The following USP34 variants were observed in gnomAD, a reference collection of about 807,000 sequenced individuals.
USP34 encodes ubiquitin specific peptidase 34.
Under a neutral mutation model 460.3 loss-of-function variants are expected in USP34, and 70 were observed. The ratio of observed to expected loss-of-function variants is 0.15; its 90% CI spans 0.13 to 0.19. The LOEUF is 0.19. USP34 is among the 10% of genes least tolerant of loss of function. The pLI, the probability that USP34 is intolerant of heterozygous loss-of-function variation, is 1.00. For synonymous variants in USP34, 1,647 were observed against 1,405.3 expected (o/e 1.17, Z -3.85); for missense variants, 3,985 against 4,236.2 (o/e 0.94, Z 1.65).
At chr2:61,360,418 C>T (rs1001404297) in intron 10 of USP34, among the ~76,000 whole-genome samples, 1 of 151,950 alleles carries the variant, frequency 6.6e-6, no homozygotes, top group African/African-American at 2.4e-5. Context: ...TCTGAAAACG[C>T]AATTAAGAAA....
At chr2:61,281,042 A>T (rs2103956529) in intron 38 of USP34, 48 bp downstream of exon 38, 1 of 1,578,662 alleles carries the variant, frequency 6.3e-7, no homozygotes. Flanking sequence ...ACTGAGGCAA[A>T]GGAAATTTCA....
Position 61,301,080 on chromosome 2 carries a change from G to C in USP34, c.3999C>G (p.Pro1333=). The C allele has an allele frequency of 6.2e-7, 1 of 1,614,052 alleles. No homozygotes were observed. Residue 1333 remains proline, a synonymous_variant, in exon 29 of 80, where the codon CCC becomes CCG. Coordinates refer to ENST00000398571, the MANE Select transcript of USP34 (RefSeq NM_014709.4). ...GVQLPASCLP[P]PQKDNIPMLL... is the part of the protein sequence containing the mutation. Reference sequence around the variant, plus strand: ...GCATTGGAATGTTGTCCTTCTGAGGGGGTGGGAGGCAAGATGCTGGCAGCT... The same window carrying C: ...GCATTGGAATGTTGTCCTTCTGAGGCGGTGGGAGGCAAGATGCTGGCAGCT...
chr2:61,226,226 A>C lies in USP34; in HGVS notation c.7595+841T>G, dbSNP rs369843387. On this transcript the variant is annotated intron_variant, in intron 62 of 79. Transcript: ENST00000398571. Reference sequence around the variant, plus strand: ...AAAAGTACATTTGTTTACAATATGGAAACTGAAACAAAAAGGCAAATTGTT... The same window carrying C: ...AAAAGTACATTTGTTTACAATATGGCAACTGAAACAAAAAGGCAAATTGTT... Among the ~76,000 whole-genome samples, 11 of 152,364 alleles carry C rather than the reference A, an allele frequency of 7.2e-5. No individual in the cohort carries two copies. In the East Asian group the frequency reaches 2.1e-3, roughly 29 times the overall value.
At chr2:61,458,645 A>C (rs1407148562) in intron 1 of USP34, among the ~76,000 whole-genome samples, 2 of 150,480 alleles carry the variant, frequency 1.3e-5, no homozygotes, top group African/African-American at 4.9e-5. Flanking sequence ...AAAAAGGCAA[A>C]GAGAACAAGG....
intron 2 of USP34, among the ~76,000 whole-genome samples, chr2:61,406,702 T>A (rs1456143872): frequency 1.4e-5 from 2 of 144,272 alleles, no homozygotes; most frequent in South Asian, 2.2e-4. Flanking sequence ...TATGTGTATT[T>A]AAAAAAAAAA....
At chr2:61,286,290 C>G (rs772732264) in intron 34 of USP34, among the ~76,000 whole-genome samples, 1 of 152,072 alleles carries the variant, frequency 6.6e-6, no homozygotes, top group Admixed American at 6.5e-5. Flanking sequence ...GATATACATA[C>G]TAAGCTGGAA....
chr2:61,458,686 G>A (rs373103016), intron 1 of USP34, among the ~76,000 whole-genome samples: 2 of 138,624 alleles, frequency 1.4e-5, no homozygotes, highest in African/African-American at 2.7e-5. Flanking sequence ...AAGTCATGCA[G>A]AGCCTTCACA....
At chr2:61,447,678 G>T (rs1695158297) in intron 1 of USP34, among the ~76,000 whole-genome samples, 1 of 152,048 alleles carries the variant, frequency 6.6e-6, no homozygotes, top group Non-Finnish European at 1.5e-5. Flanking sequence ...ATGAATACAA[G>T]ATCTGTGAAA....
At chr2:61,378,913 G>GAAAAAAAAACAAA in intron 7 of USP34, among the ~76,000 whole-genome samples, 1 of 57,872 alleles carries the variant, frequency 1.7e-5, no homozygotes, top group Non-Finnish European at 2.8e-5. Flanking sequence ...TCAAAAAAAC[G>GAAAAAAAAACAAA]AAAAAAAAAA....
chr2:61,407,941 C>G (rs1206599292), intron 2 of USP34, among the ~76,000 whole-genome samples: 1 of 151,898 alleles, frequency 6.6e-6, no homozygotes, highest in African/African-American at 2.4e-5. Context: ...ATGGTGAAAC[C>G]CCATCTCTAC....
chr2:61,320,389 GTGCATGTCT>G, intron 21 of USP34, among the ~76,000 whole-genome samples: 1 of 152,258 alleles, frequency 6.6e-6, no homozygotes, highest in African/African-American at 2.4e-5. Context: ...TGAATCCACA[GTGCATGTCT>G]TTGGGATGTG....
chr2:61,292,093 C>T (rs887040006), intron 33 of USP34, among the ~76,000 whole-genome samples: 2 of 152,034 alleles, frequency 1.3e-5, no homozygotes, highest in Admixed American at 1.3e-4. Context: ...TGAAGGGATA[C>T]AACTGTTCTG....
At chr2:61,401,333 G>T (rs1214024405) in intron 3 of USP34, among the ~76,000 whole-genome samples, 1 of 151,494 alleles carries the variant, frequency 6.6e-6, no homozygotes, top group Non-Finnish European at 1.5e-5. Flanking sequence ...TGACCTCCTG[G>T]CTCAAGTGAT....
chr2:61,334,087 T>C (rs923935600), intron 18 of USP34, 116 bp from the exon 19 acceptor site: 17 of 614,896 alleles, frequency 2.8e-5, no homozygotes, highest in Non-Finnish European at 4.3e-5. Context: ...GACATATTAT[T>C]ACACAAACAT....
At chr2:61,447,254 C>CAAAAAAA (rs763711140) in intron 1 of USP34, among the ~76,000 whole-genome samples, 2 of 59,670 alleles carry the variant, frequency 3.4e-5, no homozygotes, top group Non-Finnish European at 6.0e-5. Context: ...AACTGTCTTC[C>CAAAAAAA]AAAAAAAAAA....
At chr2:61,296,591 T>A (rs892727132) in intron 30 of USP34, among the ~76,000 whole-genome samples, 2 of 152,210 alleles carry the variant, frequency 1.3e-5, no homozygotes, top group Non-Finnish European at 2.9e-5. Flanking sequence ...CATCTTACAT[T>A]TAGCCTCTGA....
At chr2:61,214,736 T>C (rs770279614) in intron 67 of USP34, 42 bp from the exon 68 acceptor site, 7 of 1,596,246 alleles carry the variant, frequency 4.4e-6, no homozygotes, top group South Asian at 2.3e-5. Context: ...TTGTAAGATA[T>C]AAAATAGACT....
chr2:61,468,875 T>C (rs1414166106), intron 1 of USP34, among the ~76,000 whole-genome samples: 2 of 152,198 alleles, frequency 1.3e-5, no homozygotes, highest in South Asian at 2.1e-4. Flanking sequence ...CCAACTTTAC[T>C]TTCTTTAGAT....
chr2:61,409,617 G>C (rs1413221688), intron 2 of USP34, among the ~76,000 whole-genome samples: 1 of 152,138 alleles, frequency 6.6e-6, no homozygotes, highest in Non-Finnish European at 1.5e-5. Context: ...AGGAGGCAGA[G>C]ACAGGAGAAT....
Sources: allele counts gnomAD v4.1 joint callset (sites outside exome capture counted in the v4.1 genomes callset), GRCh38; gene constraint gnomAD v4.1.1; transcripts MANE v1.5; gene names NCBI Gene and HGNC (gene_info 2026-07-23, HGNC 2026-07-21).